The following CACNA1E variants were observed in gnomAD, a reference collection of about 807,000 sequenced individuals.
The protein encoded by CACNA1E is voltage-dependent R-type calcium channel subunit alpha-1E.
In CACNA1E, 40 loss-of-function variants were observed where a neutral mutation model predicts 259.2. The observed-to-expected ratio is 0.15, with a 90% CI of 0.12 to 0.20. CACNA1E has a LOEUF of 0.20. CACNA1E is among the 10% of genes least tolerant of loss of function. CACNA1E has a pLI of 1.00. For missense variants in CACNA1E, 1,874 were observed against 3,040.1 expected, an observed-to-expected ratio of 0.62 and a Z score of 9.02; for synonymous variants, 1,104 against 1,138.5, an observed-to-expected ratio of 0.97 and a Z score of 0.61.
At chr1:181,330,469 C>T (rs1651172787) in intron 1 of CACNA1E, among the ~76,000 whole-genome samples, 2 of 152,166 alleles carry the variant, frequency 1.3e-5, no homozygotes, top group African/African-American at 2.4e-5. Flanking sequence ...GAGGGTCAGC[C>T]TGGGGAAGGT....
chr1:181,556,943 C>A (rs956175207), intron 3 of CACNA1E, among the ~76,000 whole-genome samples: 2 of 152,202 alleles, frequency 1.3e-5, no homozygotes, highest in Admixed American at 1.3e-4. Flanking sequence ...CTCTCCCTCC[C>A]TTTTTTGTAA....
intron 3 of CACNA1E, among the ~76,000 whole-genome samples, chr1:181,568,625 T>C (rs1650086989): frequency 6.6e-6 from 1 of 152,158 alleles, no homozygotes; most frequent in Admixed American, 6.5e-5. Flanking sequence ...AGACAGAGTC[T>C]TTCTCTGCTG....
chr1:181,679,572 G>A (rs944977382), intron 7 of CACNA1E, among the ~76,000 whole-genome samples: 27 of 152,268 alleles, frequency 1.8e-4, no homozygotes, highest in African/African-American at 6.0e-4. Flanking sequence ...TTTCACAAAC[G>A]GTTACTTCCA....
chr1:181,771,630 G>T (rs775827449), intron 36 of CACNA1E: 4 of 509,320 alleles, frequency 7.9e-6, no homozygotes, highest in Non-Finnish European at 1.4e-5. Flanking sequence ...AGCAGGGTTG[G>T]GTCTGCTAAA....
intron 6 of CACNA1E, among the ~76,000 whole-genome samples, chr1:181,594,244 T>C (rs80331140): frequency 0.042 from 6,386 of 152,110 alleles, 481 homozygotes; most frequent in African/African-American, 0.15. Flanking sequence ...TTGAGTTTTC[T>C]TTTCCATTCT....
At chr1:181,327,488 A>G (rs1400301615) in intron 1 of CACNA1E, among the ~76,000 whole-genome samples, 1 of 152,232 alleles carries the variant, frequency 6.6e-6, no homozygotes, top group East Asian at 1.9e-4. Context: ...TATATCCAAC[A>G]ATTTGTAATT....
At chr1:181,610,383 A>C (rs1218827972) in intron 6 of CACNA1E, among the ~76,000 whole-genome samples, 2 of 152,248 alleles carry the variant, frequency 1.3e-5, no homozygotes, top group African/African-American at 4.8e-5. Context: ...CAGAACGTAT[A>C]TGAGGACTTG....
intron 7 of CACNA1E, among the ~76,000 whole-genome samples, chr1:181,701,643 T>A (rs1002642022): frequency 6.6e-6 from 1 of 152,204 alleles, no homozygotes; most frequent in Non-Finnish European, 1.5e-5. Context: ...CTTTCAACAC[T>A]CTTGAAAGCC....
intron 1 of CACNA1E, among the ~76,000 whole-genome samples, chr1:181,399,981 T>G (rs548270398): frequency 6.6e-6 from 1 of 152,350 alleles, no homozygotes; most frequent in Non-Finnish European, 1.5e-5. Context: ...CTTGAACATT[T>G]AAGACCTTCA....
At chr1:181,397,157 C>T (rs1656734011) in intron 1 of CACNA1E, among the ~76,000 whole-genome samples, 1 of 152,222 alleles carries the variant, frequency 6.6e-6, no homozygotes, top group Non-Finnish European at 1.5e-5. Context: ...TACAGGAGCT[C>T]TCAGAATGTC....
At position 181,799,877 on chromosome 1, in the gene CACNA1E, CCTCCTGG is replaced by C. The variant is rs200352394; in HGVS notation, c.*1046_*1052del. 809 of 152,470 alleles carry C rather than the reference CCTCCTGG, an allele frequency of 5.3e-3. 5 individuals are homozygous for C. The highest frequency in any genetic ancestry group is 0.04 in the Middle Eastern group (12 of 298). 9.4% of individuals were successfully genotyped at this position (152,470 alleles called of 1,614,324 possible). ...TAACAGTGCTACGGCCACACCAGCA[CCTCCTGG>C]CTGAAGGTCAGCCCACACTCTGGTC... On this transcript the variant is annotated 3_prime_UTR_variant, in exon 48 of 48. Coordinates refer to ENST00000367573, the MANE Select transcript of CACNA1E (RefSeq NM_001205293.3).
chr1:181,782,683 T>C (rs1660523284), intron 39 of CACNA1E, among the ~76,000 whole-genome samples: 1 of 152,128 alleles, frequency 6.6e-6, no homozygotes, highest in Non-Finnish European at 1.5e-5. Flanking sequence ...CTACCTCACA[T>C]TGTATGGCCC....
intron 12 of CACNA1E, among the ~76,000 whole-genome samples, chr1:181,718,653 CACACACA>C (rs1654144637): frequency 6.6e-6 from 1 of 150,990 alleles, no homozygotes; most frequent in African/African-American, 2.5e-5. Context: ...CACACACACA[CACACACA>C]CACACACCCT....
rs1175260546 is a variant in CACNA1E at position 181,494,730 on chromosome 1, C to T, written c.266+10720C>T. On this transcript the variant is annotated intron_variant, in intron 1 of 47. Transcript: ENST00000367573. ...TCCAAAGTTTAAGTGATTTCTACAC[C>T]GCACTGTCTATGGACTTTGCTGTTT... Among the ~76,000 whole-genome samples, 5 of 152,186 alleles carry T rather than the reference C, an allele frequency of 3.3e-5. No individual in the cohort carries two copies. The South Asian group carries it at 6.2e-4, about 19-fold the overall frequency.
rs769873314 is a variant in CACNA1E, at chr1:181,758,877, C to A, written c.4605+9C>A. ...TCGCTTTTGGCTTTTTGGTATGTTG[C>A]TGAATCCTTCCCAGCACTGGGCTTG... On this transcript the variant is annotated intron_variant, in intron 32 of 47. Transcript: ENST00000367573. The surrounding 1 kb of genome is among the most constrained non-coding windows in gnomAD (Gnocchi z 4.2). 1.9e-5 allele frequency: 27 copies of A among 1,442,016 alleles called. No individual in the cohort carries two copies. The highest frequency in any genetic ancestry group is 8.4e-5 in the Admixed American group (5 of 59,538). The allele number at this position is 1,442,016 out of a possible 1,614,324, so 89.3% of individuals were successfully genotyped here.
intron 2 of CACNA1E, among the ~76,000 whole-genome samples, chr1:181,464,600 C>CTT (rs776645859): frequency 1.7e-4 from 22 of 132,784 alleles, no homozygotes; most frequent in African/African-American, 4.9e-4. Flanking sequence ...CTGTGAGTGG[C>CTT]TTTTTTTTTT....
chr1:181,572,885 A>G (rs1650558991), intron 3 of CACNA1E, among the ~76,000 whole-genome samples: 2 of 152,064 alleles, frequency 1.3e-5, no homozygotes, highest in African/African-American at 4.8e-5. Context: ...GGCGCTTGGT[A>G]ATTTGTGGCC....
chr1:181,576,088 C>T (rs577545386), intron 3 of CACNA1E, among the ~76,000 whole-genome samples: 4 of 152,288 alleles, frequency 2.6e-5, no homozygotes, highest in Non-Finnish European at 5.9e-5. Flanking sequence ...CAAGTCCCCC[C>T]GTTTCTGACG....
In CACNA1E at chr1:181,799,174, A is replaced by G. The variant is rs1011140031; in HGVS notation, c.*340A>G. 5.0e-6 allele frequency: 1 copy of G among 200,042 alleles called. No homozygotes were observed. Among genetic ancestry groups the G allele is most frequent in the Non-Finnish European group, 1.0e-5 (1 of 99,334 alleles). 12.4% of individuals were successfully genotyped at this position (200,042 alleles called of 1,614,324 possible). ...TTTTCTAAAAGCTGTGGAGGGATCTAGCTGGCCTATGTCTACACTCAGTGC... is the reference window on the plus strand; with the variant it reads ...TTTTCTAAAAGCTGTGGAGGGATCTGGCTGGCCTATGTCTACACTCAGTGC... On this transcript the variant is annotated 3_prime_UTR_variant, in exon 48 of 48. Transcript: ENST00000367573.
Sources: allele counts gnomAD v4.1 joint callset (sites outside exome capture counted in the v4.1 genomes callset), GRCh38; gene constraint gnomAD v4.1.1; non-coding constraint Gnocchi (gnomAD v3.1); transcripts MANE v1.5; gene names NCBI Gene and HGNC (gene_info 2026-07-23, HGNC 2026-07-21).